Variants in NRDC observed in about 807,000 individuals in gnomAD.
NRDC encodes the protein nardilysin.
NRDC carries 54 observed loss-of-function variants against 147.1 expected under a neutral mutation model. The ratio of observed to expected loss-of-function variants is 0.37; its 90% CI spans 0.29 to 0.46. The LOEUF (loss-of-function observed/expected upper bound fraction) is 0.46. Ranked by LOEUF, NRDC falls within the 20% of genes least tolerant of loss-of-function variation. The probability of loss-of-function intolerance (pLI) is 1.00; values close to 1 mark genes in which losing one functional copy is unlikely to be tolerated. For synonymous variants in NRDC, 440 were observed against 482.1 expected (o/e 0.91, Z 1.14); for missense variants, 1,082 against 1,370.6 (o/e 0.79, Z 3.33).
At chr1:51,832,716 C>T (rs1386196928) in intron 4 of NRDC, among the ~76,000 whole-genome samples, 1 of 151,820 alleles carries the variant, frequency 6.6e-6, no homozygotes, top group Admixed American at 6.6e-5. Context: ...TTCTGGAAAA[C>T]AATTTTGCAA....
At chr1:51,828,206 G>A (rs1680531294) in intron 4 of NRDC, among the ~76,000 whole-genome samples, 1 of 152,202 alleles carries the variant, frequency 6.6e-6, no homozygotes, top group Non-Finnish European at 1.5e-5. Context: ...TATCCTGAAT[G>A]TATAGCAGTA....
At chr1:51,861,310 A>G in intron 1 of NRDC, among the ~76,000 whole-genome samples, 1 of 139,058 alleles carries the variant, frequency 7.2e-6, no homozygotes, top group African/African-American at 2.7e-5. Context: ...TCTGCCACAG[A>G]GATAATCAAA....
At chr1:51,877,700 C>T (rs894700855) in intron 1 of NRDC, among the ~76,000 whole-genome samples, 3 of 152,128 alleles carry the variant, frequency 2.0e-5, no homozygotes, top group Non-Finnish European at 4.4e-5. Flanking sequence ...GAGACCTAAG[C>T]CCTCTCTAAT....
chr1:51,850,763 G>A (rs1013254716), intron 1 of NRDC, among the ~76,000 whole-genome samples: 1 of 152,154 alleles, frequency 6.6e-6, no homozygotes, highest in African/African-American at 2.4e-5. Flanking sequence ...GAACTCGTCT[G>A]CTATCCTGAA....
chr1:51,878,425 T>C lies in NRDC; in HGVS notation c.191A>G (p.Asp64Gly). The change falls in exon 1 of 31, where the codon GAC (aspartate) becomes GGC (glycine). Residue 64 changes from aspartate (D) to glycine (G), a missense_variant. This residue lies in a region of NRDC where 260 missense variants were observed against 253.2 expected (regional missense o/e 1.03). Coordinates refer to ENST00000352171, the MANE Select transcript of NRDC (RefSeq NM_001101662.2). ...NKAKSTCSCP[D>G]LQPNGQDLGE... ...CAGATCCTGTCCATTGGGCTGCAGG[T>C]CAGGGCAGCTGCAGGTAGACTTCGC... is the stretch of plus-strand genomic sequence containing the variant. 1 of 1,614,052 alleles carries C rather than the reference T, an allele frequency of 6.2e-7. No homozygotes were observed. The highest frequency in any genetic ancestry group is 1.1e-5 in the South Asian group (1 of 91,076).
intron 1 of NRDC, among the ~76,000 whole-genome samples, chr1:51,852,684 T>C (rs1254473324): frequency 6.6e-6 from 1 of 152,024 alleles, no homozygotes; most frequent in African/African-American, 2.4e-5. Context: ...AAATTCTGTG[T>C]GCTGCCCTGG....
At chr1:51,852,388 C>CTT (rs1486251912) in intron 1 of NRDC, among the ~76,000 whole-genome samples, 1 of 149,972 alleles carries the variant, frequency 6.7e-6, no homozygotes, top group Non-Finnish European at 1.5e-5. Context: ...ACTCTATACT[C>CTT]AAAAGTCTAA....
intron 1 of NRDC, among the ~76,000 whole-genome samples, chr1:51,857,128 C>T (rs953694925): frequency 2.0e-5 from 3 of 152,200 alleles, no homozygotes; most frequent in Admixed American, 2.0e-4. Flanking sequence ...CACCTCCTTA[C>T]ATATTTTAAG....
At chr1:51,853,590 ATC>A (rs1302096376) in intron 1 of NRDC, among the ~76,000 whole-genome samples, 8 of 152,294 alleles carry the variant, frequency 5.3e-5, no homozygotes, top group South Asian at 2.1e-4. Context: ...ATGATTAGAA[ATC>A]TCTCTCTTTA....
chr1:51,820,119 A>G (rs1458567161), intron 8 of NRDC, among the ~76,000 whole-genome samples: 2 of 152,072 alleles, frequency 1.3e-5, no homozygotes, highest in Non-Finnish European at 2.9e-5. Context: ...AATTTAAAGG[A>G]CCCCCTCTCA....
At position 51,791,128 on chromosome 1, in the gene NRDC, C is replaced by T. The variant is rs191958559; in HGVS notation, c.2961-138G>A. The T allele has an allele frequency of 4.9e-5, 32 of 647,260 alleles. No homozygotes were observed. The Admixed American group carries it at 8.8e-4, about 18-fold the overall frequency. 40.1% of individuals were successfully genotyped at this position (647,260 alleles called of 1,614,324 possible). On this transcript the variant is annotated intron_variant, in intron 27 of 30. Transcript: ENST00000352171. ...CAGGAAAAAAAGCTAAAGTGTTTTC[C>T]CAGGCCTCAGTATTCCACCTGACTT...
At chr1:51,809,612 T>C (rs145284026) in intron 16 of NRDC, among the ~76,000 whole-genome samples, 4 of 152,194 alleles carry the variant, frequency 2.6e-5, no homozygotes, top group African/African-American at 9.6e-5. Context: ...AAATGCAGAA[T>C]CTGGCCAGGC....
rs1295803868 is a variant in NRDC, at chr1:51,814,593, A to G, written c.1577T>C (p.Phe526Ser). 6.2e-7 allele frequency: 1 copy of G among 1,613,610 alleles called. No homozygotes were observed. The highest frequency in any genetic ancestry group is 1.3e-5 in the African/African-American group (1 of 75,044). The change falls in exon 13 of 31, where the codon TTT (phenylalanine) becomes TCT (serine). Residue 526 changes from phenylalanine (F) to serine (S), a missense_variant. This residue lies in a region of NRDC where 635 missense variants were observed against 923.8 expected (regional missense o/e 0.69). Transcript: ENST00000352171. The part of the protein sequence containing the change: ...EHFYEVAYTV[F>S]QYLKMLQKLG... Reference sequence around the variant, plus strand: ...CTTCTGCAGCATTTTTAAATACTGAAAGACAGTGTAAGCAACCTGAAAACA... The same window carrying G: ...CTTCTGCAGCATTTTTAAATACTGAGAGACAGTGTAAGCAACCTGAAAACA...
At chr1:51,800,848 G>A (rs1679160939) in intron 20 of NRDC, 165 bp from the exon 21 acceptor site, 1 of 653,234 alleles carries the variant, frequency 1.5e-6, no homozygotes, top group East Asian at 2.8e-5. Flanking sequence ...TTGTTTGTTT[G>A]GGTGTTACCT....
chr1:51,831,075 T>C (rs1680685604), intron 4 of NRDC, among the ~76,000 whole-genome samples: 1 of 152,246 alleles, frequency 6.6e-6, no homozygotes, highest in South Asian at 2.1e-4. Context: ...ATTTATCCTA[T>C]TAATGCAGTG....
rs5774107 is a variant in NRDC, at chr1:51,812,961, C to CAA, written c.1675-865_1675-864dup. Among the ~76,000 whole-genome samples, 489 of 71,506 alleles carry CAA rather than the reference C, an allele frequency of 6.8e-3. 5 individuals carry two copies. Among genetic ancestry groups the CAA allele is most frequent in the East Asian group, 0.023 (49 of 2,146 alleles). 46.9% of individuals were successfully genotyped at this position (71,506 alleles called of 152,430 possible). On this transcript the variant is annotated intron_variant, in intron 14 of 30. Coordinates refer to ENST00000352171, the MANE Select transcript of NRDC (RefSeq NM_001101662.2). ...CAGATGACAGAGCAAGACTCTGTCT[C>CAA]AAAAAAAAAAAAAAAAAAAAAAAAT... is the stretch of plus-strand genomic sequence containing the variant.
chr1:51,863,013 G>GAAAAA lies in NRDC; in HGVS notation c.341+15257_341+15261dup, dbSNP rs562410956. 1.7e-3 allele frequency among the ~76,000 whole-genome samples: 55 copies of GAAAAA among 32,012 alleles called. 1 individual carries two copies. The highest frequency in any genetic ancestry group is 2.1e-3 in the East Asian group (2 of 954). The allele number at this position is 32,012 out of a possible 152,430, so 21.0% of individuals were successfully genotyped here. On this transcript the variant is annotated intron_variant, in intron 1 of 30. Transcript: ENST00000352171. Reference sequence around the variant, plus strand: ...TGACAGAGTGAGACTCTGTGTGGAGGAAAAAAAAAAAAAAAAAAAAAAAAA... The same window carrying GAAAAA: ...TGACAGAGTGAGACTCTGTGTGGAGGAAAAAAAAAAAAAAAAAAAAAAAAAAAAAA...
At chr1:51,801,648 C>G (rs1406603519) in intron 20 of NRDC, among the ~76,000 whole-genome samples, 1 of 152,020 alleles carries the variant, frequency 6.6e-6, no homozygotes, top group Non-Finnish European at 1.5e-5. Context: ...ATTTTTTCAT[C>G]TTACTCTAAT....
At chr1:51,818,566 A>C (rs553298262) in intron 9 of NRDC, among the ~76,000 whole-genome samples, 2 of 152,350 alleles carry the variant, frequency 1.3e-5, no homozygotes, top group Admixed American at 6.5e-5. Context: ...AAGTATCTCT[A>C]GGATTCTTCT....
Sources: allele counts gnomAD v4.1 joint callset (sites outside exome capture counted in the v4.1 genomes callset), GRCh38; gene constraint gnomAD v4.1.1; regional missense constraint gnomAD v4.1.1; transcripts MANE v1.5; gene names NCBI Gene and HGNC (gene_info 2026-07-23, HGNC 2026-07-21).